The following ADGRG7 variants were observed in gnomAD, a reference collection of about 807,000 sequenced individuals.
ADGRG7 encodes adhesion G protein-coupled receptor G7.
A neutral mutation model predicts 88.6 loss-of-function variants in ADGRG7; 82 were observed. The ratio of observed to expected loss-of-function variants is 0.93; its 90% CI spans 0.77 to 1.11. The LOEUF (loss-of-function observed/expected upper bound fraction) is 1.11. Ranked by LOEUF, ADGRG7 falls within the 50% of genes most tolerant of loss-of-function variation. The pLI is 0.00. For synonymous variants in ADGRG7, 381 were observed against 345.2 expected (o/e 1.10, Z -1.15); for missense variants, 945 against 953.4 (o/e 0.99, Z 0.12).
intron 6 of ADGRG7, among the ~76,000 whole-genome samples, chr3:100,639,889 TA>T (rs1707609195): frequency 1.3e-5 from 2 of 152,172 alleles, no homozygotes; most frequent in Non-Finnish European, 2.9e-5. Context: ...AAAGGATAAA[TA>T]AAAATTTAAG....
At chr3:100,645,910 C>T in intron 8 of ADGRG7, 35 bp from the exon 9 acceptor site, 1 of 1,583,524 alleles carries the variant, frequency 6.3e-7, no homozygotes, top group Non-Finnish European at 8.6e-7. Flanking sequence ...CCTTACAGTG[C>T]ACTTATTGAT....
At chr3:100,693,188 TA>T (rs2094996732) in intron 15 of ADGRG7, among the ~76,000 whole-genome samples, 1 of 152,232 alleles carries the variant, frequency 6.6e-6, no homozygotes, top group Admixed American at 6.5e-5. Context: ...GGTCTTTTCC[TA>T]ATTATTGTAC....
intron 15 of ADGRG7, among the ~76,000 whole-genome samples, chr3:100,687,324 A>G (rs1328574306): frequency 2.6e-5 from 4 of 152,176 alleles, no homozygotes; most frequent in African/African-American, 9.7e-5. Context: ...ATCTGCAAAC[A>G]GGGACAATTT....
intron 10 of ADGRG7, among the ~76,000 whole-genome samples, chr3:100,649,067 C>T (rs1707803837): frequency 6.6e-6 from 1 of 152,220 alleles, no homozygotes; most frequent in South Asian, 2.1e-4. Flanking sequence ...TTTAGATATA[C>T]TTAGAGTCCA....
At chr3:100,673,138 C>T (rs2094960771) in intron 15 of ADGRG7, among the ~76,000 whole-genome samples, 1 of 152,108 alleles carries the variant, frequency 6.6e-6, no homozygotes, top group African/African-American at 2.4e-5. Context: ...AGGAATGGTA[C>T]CAGCTCCTCT....
At chr3:100,634,123 T>C (rs1259870918) in intron 4 of ADGRG7, among the ~76,000 whole-genome samples, 1 of 152,198 alleles carries the variant, frequency 6.6e-6, no homozygotes, top group Non-Finnish European at 1.5e-5. Flanking sequence ...TACATCTAAC[T>C]AGATGTTTTT....
At chr3:100,669,440 A>G (rs1390127414) in intron 15 of ADGRG7, among the ~76,000 whole-genome samples, 3 of 149,626 alleles carry the variant, frequency 2.0e-5, no homozygotes, top group East Asian at 4.0e-4. Context: ...CTGCTGAGGC[A>G]CGAGAATGGC....
At chr3:100,638,601 TGAAGTTCTCACTTTGG>T (rs527631745) in intron 6 of ADGRG7, among the ~76,000 whole-genome samples, 170 of 152,318 alleles carry the variant, frequency 1.1e-3, no homozygotes, top group African/African-American at 3.8e-3. Flanking sequence ...AAACAGGGAT[TGAAGTTCTCACTTTGG>T]GTTTCAGACT....
At chr3:100,617,076 A>G (rs1707236713) in intron 1 of ADGRG7, among the ~76,000 whole-genome samples, 1 of 152,158 alleles carries the variant, frequency 6.6e-6, no homozygotes, top group South Asian at 2.1e-4. Context: ...TGATTGAAGG[A>G]TGACTTTTCA....
At chr3:100,661,329 A>G (rs1198163428) in intron 14 of ADGRG7, among the ~76,000 whole-genome samples, 3 of 152,270 alleles carry the variant, frequency 2.0e-5, no homozygotes, top group Admixed American at 1.3e-4. Flanking sequence ...CTGTGAGCTT[A>G]TAGCAAGCTT....
intron 15 of ADGRG7, among the ~76,000 whole-genome samples, chr3:100,673,504 C>G (rs1197472542): frequency 1.3e-5 from 2 of 149,838 alleles, no homozygotes; most frequent in African/African-American, 2.5e-5. Context: ...GTCTGTCATG[C>G]AGGCTGGAGT....
At chr3:100,687,648 T>A (rs2149042941) in intron 15 of ADGRG7, among the ~76,000 whole-genome samples, 1 of 152,354 alleles carries the variant, frequency 6.6e-6, no homozygotes, top group East Asian at 1.9e-4. Flanking sequence ...GTGGTTTTTG[T>A]CTCTGGTTCT....
At chr3:100,634,613 G>A (rs1707506185) in intron 4 of ADGRG7, among the ~76,000 whole-genome samples, 1 of 152,090 alleles carries the variant, frequency 6.6e-6, no homozygotes, top group Admixed American at 6.5e-5. Context: ...GTAGGGGTTG[G>A]GTGGGAACAG....
intron 10 of ADGRG7, among the ~76,000 whole-genome samples, chr3:100,649,116 C>G (rs546321169): frequency 2.6e-5 from 4 of 152,226 alleles, no homozygotes; most frequent in South Asian, 4.1e-4. Flanking sequence ...AGTGAGGCAA[C>G]TTTTGACAAT....
chr3:100,685,979 A>C (rs1439115631), intron 15 of ADGRG7, among the ~76,000 whole-genome samples: 8 of 150,730 alleles, frequency 5.3e-5, no homozygotes, highest in Admixed American at 5.3e-4. Flanking sequence ...GAACTAGTTT[A>C]CAGTCCCACC....
chr3:100,643,295 T>C lies in ADGRG7; in HGVS notation c.728T>C (p.Leu243Ser), dbSNP rs1196532126. 1 of 1,613,734 alleles carries C rather than the reference T, an allele frequency of 6.2e-7. No homozygotes were observed. Among genetic ancestry groups the C allele is most frequent in the Admixed American group, 1.7e-5 (1 of 59,972 alleles). Reference sequence around the variant, plus strand: ...ATTGAGCAAATGGAGACTTATTCCTTGTCTTTGGGTAATCAATCAGTGGTG... The same window carrying C: ...ATTGAGCAAATGGAGACTTATTCCTCGTCTTTGGGTAATCAATCAGTGGTG... ...TLIEQMETYS[L>S]SLGNQSVVEP... The change falls in exon 7 of 16, where the codon TTG becomes TCG. Residue 243 changes from leucine to serine, a missense_variant. By Grantham distance (145) the Leu-to-Ser change is moderately radical. Transcript: ENST00000273352.
Position 100,635,801 on chromosome 3 carries a change from A to G in ADGRG7, c.572A>G (p.Asn191Ser), listed in dbSNP as rs1003692144. Residue 191 changes from asparagine to serine, a missense_variant, in exon 5 of 16, where the codon AAC (asparagine) becomes AGC (serine). By Grantham distance (46) the Asn-to-Ser change is conservative. Transcript: ENST00000273352. ...ACGCGAGTGGTTGGACAGATATTCAACACTTCCAGAAATGCTTCACCTGAG... is the reference window on the plus strand; with the variant it reads ...ACGCGAGTGGTTGGACAGATATTCAGCACTTCCAGAAATGCTTCACCTGAG... ...SATRVVGQIF[N>S]TSRNASPEAK... 3.7e-6 allele frequency: 6 copies of G among 1,613,166 alleles called. No homozygotes were observed. The African/African-American group carries it at 8.0e-5, about 22-fold the overall frequency.
chr3:100,675,408 A>G lies in ADGRG7; in HGVS notation c.2136+6303A>G, dbSNP rs557751730. Among the ~76,000 whole-genome samples the G allele has an allele frequency of 5.3e-5, 8 of 152,276 alleles. No individual in the cohort carries two copies. The South Asian group carries it at 1.7e-3, about 32-fold the overall frequency. On this transcript the variant is annotated intron_variant, in intron 15 of 15. Coordinates refer to ENST00000273352, the MANE Select transcript of ADGRG7 (RefSeq NM_032787.3). ...TGGTGTATCACATTGATTGATTTGC[A>G]TATGTAGGACCATCCTTGCATTTCT... is the stretch of plus-strand genomic sequence containing the variant.
chr3:100,614,305 T>G (rs1254735741), intron 1 of ADGRG7, among the ~76,000 whole-genome samples: 1 of 152,230 alleles, frequency 6.6e-6, no homozygotes, highest in African/African-American at 2.4e-5. Context: ...CTGGCACATC[T>G]TCCTGTATTT....
Sources: gnomAD v4.1 joint callset for allele counts (sites outside exome capture counted in the v4.1 genomes callset) on GRCh38, gnomAD v4.1.1 for gene constraint, MANE v1.5 for transcripts, NCBI Gene and HGNC (gene_info 2026-07-23, HGNC 2026-07-21) for gene names.